The following XKR6 variants were observed in gnomAD, a reference collection of about 807,000 sequenced individuals.
XKR6 encodes the protein XK-related protein 6.
XKR6 carries 22 observed loss-of-function variants against 56.7 expected under a neutral mutation model. The ratio of observed to expected loss-of-function variants is 0.39; its 90% confidence interval spans 0.28 to 0.55. The LOEUF is 0.55. Among genes scored for constraint, XKR6 ranks in the 20% least tolerant of loss-of-function variants. XKR6 has a pLI of 0.66. For synonymous variants in XKR6, 524 were observed against 387.8 expected (o/e 1.35, Z -4.13); for missense variants, 852 against 889.0 (o/e 0.96, Z 0.53).
At chr8:10,916,345 G>C (rs1426767074) in intron 2 of XKR6, among the ~76,000 whole-genome samples, 2 of 152,198 alleles carry the variant, frequency 1.3e-5, no homozygotes, top group African/African-American at 4.8e-5. Context: ...CTGGGTGGCA[G>C]CTTCACCCTA....
chr8:11,068,089 G>C (rs948342132), intron 1 of XKR6, among the ~76,000 whole-genome samples: 2 of 152,218 alleles, frequency 1.3e-5, no homozygotes, highest in Admixed American at 6.5e-5. Context: ...CTCAATAGTG[G>C]TGTGTTGATT....
At position 11,193,345 on chromosome 8, in the gene XKR6, T is replaced by C. The variant is rs147805645; in HGVS notation, c.764+7231A>G. ...AAGAGGTCAATGAGAAGAAATTTTT[T>C]GTTAGAAATCTGTAAAATACCATAG... On this transcript the variant is annotated intron_variant, in intron 1 of 2. Transcript: ENST00000416569. 1.6e-4 allele frequency among the ~76,000 whole-genome samples: 25 copies of C among 152,370 alleles called. No homozygotes were observed. The East Asian group carries it at 4.6e-3, about 28-fold the overall frequency.
intron 1 of XKR6, among the ~76,000 whole-genome samples, chr8:11,072,387 T>C (rs374401551): frequency 7.9e-5 from 12 of 151,750 alleles, no homozygotes; most frequent in South Asian, 4.2e-4. Context: ...CTCTCTGTTT[T>C]GGTAAGGTCT....
At chr8:11,171,948 G>A (rs1011679103) in intron 1 of XKR6, among the ~76,000 whole-genome samples, 1 of 151,928 alleles carries the variant, frequency 6.6e-6, no homozygotes, top group Non-Finnish European at 1.5e-5. Context: ...TGCTACTCAG[G>A]AGGCTGAAGC....
intron 2 of XKR6, among the ~76,000 whole-genome samples, chr8:10,905,252 C>T (rs1368720923): frequency 2.6e-5 from 4 of 152,156 alleles, no homozygotes; most frequent in African/African-American, 9.7e-5. Context: ...CCCAAATCTG[C>T]CCCAGTGGAG....
intron 1 of XKR6, among the ~76,000 whole-genome samples, chr8:10,941,669 C>T (rs1807087416): frequency 1.3e-5 from 2 of 152,216 alleles, no homozygotes; most frequent in Admixed American, 6.5e-5. Context: ...GCCCCAGCCT[C>T]CTGACCTCAG....
chr8:11,078,445 G>C (rs1278671214), intron 1 of XKR6, among the ~76,000 whole-genome samples: 1 of 152,190 alleles, frequency 6.6e-6, no homozygotes, highest in Non-Finnish European at 1.5e-5. Context: ...TTCTGCCTGT[G>C]TGTTCCCCAC....
chr8:11,007,394 T>C (rs1798394268), intron 1 of XKR6, among the ~76,000 whole-genome samples: 1 of 152,234 alleles, frequency 6.6e-6, no homozygotes, highest in Admixed American at 6.5e-5. Flanking sequence ...TGCAAGCTTC[T>C]GTCGCTCAGC....
chr8:11,146,006 A>C (rs978721160), intron 1 of XKR6, among the ~76,000 whole-genome samples: 1 of 152,180 alleles, frequency 6.6e-6, no homozygotes, highest in African/African-American at 2.4e-5. Flanking sequence ...AAAAAGGACA[A>C]TGGAACAGAA....
Position 11,201,014 on chromosome 8 carries a change from G to T in XKR6, c.326C>A (p.Thr109Lys). The change falls in exon 1 of 3, where the codon ACG (threonine) becomes AAG (lysine). Residue 109 changes from threonine (T) to lysine (K), a missense_variant. Around this residue, in one of 4 missense-constraint regions of XKR6, gnomAD observed 417 missense variants for 355.2 expected, o/e 1.17. Coordinates refer to ENST00000416569, the MANE Select transcript of XKR6 (RefSeq NM_173683.4). ...AAPGAGRQPP[T>K]PSAARPEPPP... is the part of the protein sequence containing the mutation. Reference sequence around the variant, plus strand: ...CGGCTCCGGCCGCGCGGCCGAGGGCGTCGGGGGTTGGCGGCCGGCGCCGGG... The same window carrying T: ...CGGCTCCGGCCGCGCGGCCGAGGGCTTCGGGGGTTGGCGGCCGGCGCCGGG... 7.9e-7 allele frequency: 1 copy of T among 1,260,014 alleles called. No individual in the cohort carries two copies. The highest frequency in any genetic ancestry group is 9.9e-7 in the Non-Finnish European group (1 of 1,005,752). 78.1% of individuals were successfully genotyped at this position (1,260,014 alleles called of 1,614,324 possible).
At chr8:11,194,993 T>C (rs1803794106) in intron 1 of XKR6, 1 of 578,884 alleles carries the variant, frequency 1.7e-6, no homozygotes, top group Non-Finnish European at 3.1e-6. Flanking sequence ...TTTTTAGGGT[T>C]ACTGTTCACT....
Position 11,124,283 on chromosome 8 carries a change from G to C in XKR6, c.764+76293C>G, listed in dbSNP as rs374986220. The C allele has an allele frequency of 4.1e-4, 139 of 342,192 alleles. 3 individuals carry two copies. The highest frequency in any genetic ancestry group is 2.8e-3 in the African/African-American group (130 of 46,526). The allele number at this position is 342,192 out of a possible 1,614,324, so 21.2% of individuals were successfully genotyped here. On this transcript the variant is annotated intron_variant, in intron 1 of 2. Transcript: ENST00000416569. ...CTCTGTTAGGCAAAACACAAACCAGGATGTGGCTAAGTTTCTACCCTTCAT... is the reference window on the plus strand; with the variant it reads ...CTCTGTTAGGCAAAACACAAACCAGCATGTGGCTAAGTTTCTACCCTTCAT...
At position 10,946,890 on chromosome 8, in the gene XKR6, G is replaced by T. The variant is rs113152263; in HGVS notation, c.765-22060C>A. Among the ~76,000 whole-genome samples, 667 of 152,260 alleles carry T rather than the reference G, an allele frequency of 4.4e-3. 4 individuals carry two copies. Among genetic ancestry groups the T allele is most frequent in the African/African-American group, 0.015 (637 of 41,550 alleles). On this transcript the variant is annotated intron_variant, in intron 1 of 2. Coordinates refer to ENST00000416569, the MANE Select transcript of XKR6 (RefSeq NM_173683.4). ...GAGCTGAGTGCTCAAGGATGGGGGA[G>T]AGTTCACCAAGCAGCTAAGGGAAAG...
intron 1 of XKR6, among the ~76,000 whole-genome samples, chr8:11,102,192 T>C (rs1798510155): frequency 6.6e-6 from 1 of 152,150 alleles, no homozygotes; most frequent in South Asian, 2.1e-4. Context: ...TGCAAGTTCG[T>C]CTTGGAATAC....
intron 1 of XKR6, chr8:11,109,612 C>T (rs6601563): frequency 0.3 from 45,788 of 152,040 alleles, 7,896 homozygotes; most frequent in Non-Finnish European, 0.4. Context: ...CAGCTCTGGG[C>T]GAGTTTATCC....
chr8:11,004,009 T>C (rs1798306997), intron 1 of XKR6, among the ~76,000 whole-genome samples: 1 of 152,002 alleles, frequency 6.6e-6, no homozygotes, highest in African/African-American at 2.4e-5. Context: ...TGTGGAGTAG[T>C]GGGTCCTGGG....
At chr8:10,964,782 T>A (rs999533733) in intron 1 of XKR6, among the ~76,000 whole-genome samples, 4 of 152,194 alleles carry the variant, frequency 2.6e-5, no homozygotes, top group Non-Finnish European at 4.4e-5. Context: ...CCACTCGCGC[T>A]GCCAGACCTG....
intron 2 of XKR6, among the ~76,000 whole-genome samples, chr8:10,903,569 T>A (rs1391988291): frequency 6.6e-6 from 1 of 152,042 alleles, no homozygotes; most frequent in Non-Finnish European, 1.5e-5. Context: ...TGGCTGTGTT[T>A]AGAGATAGGG....
At chr8:11,116,779 A>G (rs899618551) in intron 1 of XKR6, among the ~76,000 whole-genome samples, 1 of 152,152 alleles carries the variant, frequency 6.6e-6, no homozygotes, top group African/African-American at 2.4e-5. Flanking sequence ...TGCCACAGTC[A>G]CAGCTGCCAT....
Sources: allele counts gnomAD v4.1 joint callset (sites outside exome capture counted in the v4.1 genomes callset), GRCh38; gene constraint gnomAD v4.1.1; regional missense constraint gnomAD v4.1.1; transcripts MANE v1.5; gene names NCBI Gene and HGNC (gene_info 2026-07-23, HGNC 2026-07-21).